The following XYLT1 variants were observed in gnomAD, a reference collection of about 807,000 sequenced individuals.
XYLT1 encodes beta-D-xylosyltransferase 1.
A neutral mutation model predicts 91.3 loss-of-function variants in XYLT1; 36 were observed. The observed-to-expected ratio is 0.39, with a 90% CI of 0.30 to 0.52. The LOEUF is 0.52. Ranked by LOEUF, XYLT1 falls within the 20% of genes least tolerant of loss-of-function variation. The pLI is 0.68. For synonymous variants in XYLT1, 588 were observed against 532.0 expected, an observed-to-expected ratio of 1.11 and a Z score of -1.45; for missense variants, 1,242 against 1,284.5, an observed-to-expected ratio of 0.97 and a Z score of 0.51.
intron 3 of XYLT1, among the ~76,000 whole-genome samples, chr16:17,213,746 G>A (rs1316184544): frequency 6.6e-6 from 1 of 151,950 alleles, no homozygotes. Flanking sequence ...AGCCTCCCGA[G>A]TACCTGGGAT....
chr16:17,286,619 T>C (rs112710180), intron 2 of XYLT1, among the ~76,000 whole-genome samples: 3,122 of 152,254 alleles, frequency 0.021, 120 homozygotes, highest in African/African-American at 0.07. Flanking sequence ...TATTAGCTTC[T>C]TGAATCCTCA....
At chr16:17,180,334 C>G (rs1259189862) in intron 5 of XYLT1, among the ~76,000 whole-genome samples, 1 of 152,166 alleles carries the variant, frequency 6.6e-6, no homozygotes, top group Admixed American at 6.5e-5. Context: ...TTTAAAGTAA[C>G]TTGTTGGAAA....
intron 2 of XYLT1, among the ~76,000 whole-genome samples, chr16:17,263,706 T>C (rs926347998): frequency 6.6e-6 from 1 of 151,918 alleles, no homozygotes; most frequent in Admixed American, 6.6e-5. Flanking sequence ...AATTCATTTT[T>C]TTCTTTTCTT....
chr16:17,451,421 T>TTC (rs2036664586), intron 1 of XYLT1, among the ~76,000 whole-genome samples: 1 of 152,162 alleles, frequency 6.6e-6, no homozygotes, highest in Admixed American at 6.5e-5. Flanking sequence ...GACCCTCCCC[T>TTC]TCTCCCTGAC....
rs2033801795 is a variant in XYLT1 at position 17,266,271 on chromosome 16, C to T, written c.403-6773G>A. Among the ~76,000 whole-genome samples, 3 of 152,086 alleles carry T rather than the reference C, an allele frequency of 2.0e-5. No individual in the cohort carries two copies. In the South Asian group the frequency reaches 6.2e-4, roughly 32 times the overall value. On this transcript the variant is annotated intron_variant, in intron 2 of 11. Coordinates refer to ENST00000261381, the MANE Select transcript of XYLT1 (RefSeq NM_022166.4). ...CTTTGCCTCAGTTTCCTCATCCATC[C>T]CAGAGAGCCGAAGATGGCACCTACT...
intron 7 of XYLT1, among the ~76,000 whole-genome samples, chr16:17,139,513 T>A (rs1157212302): frequency 2.0e-5 from 3 of 151,862 alleles, no homozygotes; most frequent in Admixed American, 2.0e-4. Flanking sequence ...ATAGCCAAAC[T>A]CCCAAACAAT....
intron 2 of XYLT1, among the ~76,000 whole-genome samples, chr16:17,308,912 T>G (rs142354824): frequency 1.3e-5 from 2 of 151,822 alleles, no homozygotes; most frequent in African/African-American, 2.4e-5. Flanking sequence ...TGGCGCAAAA[T>G]AGCGGATACT....
At chr16:17,197,014 A>AATATGTATATATATATATATATAT (rs2032439427) in intron 5 of XYLT1, among the ~76,000 whole-genome samples, 2 of 110,504 alleles carry the variant, frequency 1.8e-5, no homozygotes, top group African/African-American at 9.0e-5. Flanking sequence ...CTGTCTCCAA[A>AATATGTATATATATATATATATAT]ATATATATAT....
At chr16:17,278,954 G>C (rs2034017828) in intron 2 of XYLT1, among the ~76,000 whole-genome samples, 1 of 152,144 alleles carries the variant, frequency 6.6e-6, no homozygotes, top group Non-Finnish European at 1.5e-5. Context: ...TTTCCTTCCT[G>C]GTTGGGCTTT....
chr16:17,185,638 C>CAAAATAAA (rs1302631517), intron 5 of XYLT1, among the ~76,000 whole-genome samples: 1 of 152,208 alleles, frequency 6.6e-6, no homozygotes, highest in Non-Finnish European at 1.5e-5. Flanking sequence ...GTCTCTCTCT[C>CAAAATAAA]TCCCTGGACC....
At chr16:17,378,959 C>T (rs2035637029) in intron 1 of XYLT1, among the ~76,000 whole-genome samples, 1 of 152,208 alleles carries the variant, frequency 6.6e-6, no homozygotes, top group Non-Finnish European at 1.5e-5. Context: ...AATGAGAGGA[C>T]CTGTCTTACC....
chr16:17,372,889 T>A (rs2035553821), intron 1 of XYLT1, among the ~76,000 whole-genome samples: 1 of 152,184 alleles, frequency 6.6e-6, no homozygotes, highest in African/African-American at 2.4e-5. Context: ...TACAACAATG[T>A]CTGATCATAA....
At chr16:17,362,945 A>T (rs533290370) in intron 1 of XYLT1, among the ~76,000 whole-genome samples, 1 of 152,210 alleles carries the variant, frequency 6.6e-6, no homozygotes, top group Non-Finnish European at 1.5e-5. Context: ...CTCCCAGGGA[A>T]CACTTCAGAA....
At chr16:17,390,001 T>C (rs1245108061) in intron 1 of XYLT1, among the ~76,000 whole-genome samples, 1 of 152,160 alleles carries the variant, frequency 6.6e-6, no homozygotes, top group Admixed American at 6.5e-5. Context: ...TAGTTACCAC[T>C]CCTCATTTGC....
At chr16:17,145,327 G>T (rs372040234) in intron 6 of XYLT1, among the ~76,000 whole-genome samples, 2 of 152,146 alleles carry the variant, frequency 1.3e-5, no homozygotes, top group East Asian at 1.9e-4. Flanking sequence ...AGCACCAGGG[G>T]GTGGGAACAT....
intron 3 of XYLT1, among the ~76,000 whole-genome samples, chr16:17,214,854 C>G (rs966255450): frequency 6.6e-6 from 1 of 152,224 alleles, no homozygotes; most frequent in Admixed American, 6.5e-5. Context: ...TCCCTCTATG[C>G]TCCTCCAATC....
At position 17,331,218 on chromosome 16, in the gene XYLT1, G is replaced by T. The variant is rs79819528; in HGVS notation, c.402+26794C>A. Among the ~76,000 whole-genome samples the T allele has an allele frequency of 4.2e-3, 640 of 152,346 alleles. 14 individuals carry two copies. The highest frequency in any genetic ancestry group is 0.032 in the Admixed American group (488 of 15,296). The stretch of plus-strand genomic sequence containing the variant: ...GATGACTCAAGCTACAGCACACAAG[G>T]CCTTCTCAGGGCCGCCTTGACCATG... On this transcript the variant is annotated intron_variant, in intron 2 of 11. Coordinates refer to ENST00000261381, the MANE Select transcript of XYLT1 (RefSeq NM_022166.4).
intron 10 of XYLT1, among the ~76,000 whole-genome samples, chr16:17,121,646 T>G (rs912091731): frequency 3.3e-5 from 5 of 152,164 alleles, no homozygotes; most frequent in Non-Finnish European, 7.3e-5. Context: ...ATGAATAAGT[T>G]CTTTAGTGGT....
intron 1 of XYLT1, among the ~76,000 whole-genome samples, chr16:17,380,948 G>A (rs1043323735): frequency 6.6e-6 from 1 of 152,214 alleles, no homozygotes. Flanking sequence ...GGTACTTAGC[G>A]TAGTCAAAAT....
Sources: allele counts gnomAD v4.1 joint callset (sites outside exome capture counted in the v4.1 genomes callset), GRCh38; gene constraint gnomAD v4.1.1; transcripts MANE v1.5; gene names NCBI Gene and HGNC (gene_info 2026-07-23, HGNC 2026-07-21).